Variants in PSD3 observed in about 807,000 individuals in gnomAD.
The protein encoded by PSD3 is pleckstrin and Sec7 domain containing 3, also known as PH and SEC7 domain-containing protein 3.
A neutral mutation model predicts 105.5 loss-of-function variants in PSD3; 49 were observed. That is an observed-to-expected ratio of 0.46 (90% CI 0.37 to 0.59). The LOEUF (loss-of-function observed/expected upper bound fraction) is 0.59. Ranked by LOEUF, PSD3 falls within the 20% of genes least tolerant of loss-of-function variation. The pLI is 0.00. For synonymous variants in PSD3, 557 were observed against 457.8 expected, an observed-to-expected ratio of 1.22 and a Z score of -2.77; for missense variants, 1,561 against 1,263.8, an observed-to-expected ratio of 1.24 and a Z score of -3.57.
At chr8:18,832,791 G>A (rs1373955415) in intron 4 of PSD3, among the ~76,000 whole-genome samples, 1 of 152,186 alleles carries the variant, frequency 6.6e-6, no homozygotes, top group Non-Finnish European at 1.5e-5. Context: ...AAGAGCAGGT[G>A]CAGGGGAACT....
rs540055784 is a variant in PSD3, at chr8:18,595,869, A to G, written c.2481+4495T>C. Among the ~76,000 whole-genome samples the G allele has an allele frequency of 1.4e-3, 215 of 152,158 alleles. 2 individuals carry two copies. Among genetic ancestry groups the G allele is most frequent in the Middle Eastern group, 6.8e-3 (2 of 294 alleles). ...ACTTCTAGACAGAAGACTAATAAAG[A>G]AACAGAGAACTTCAAAAATGCAATA... is the stretch of plus-strand genomic sequence containing the variant. On this transcript the variant is annotated intron_variant, in intron 12 of 15. Transcript: ENST00000327040.
chr8:18,797,660 T>C (rs998860129), intron 8 of PSD3, among the ~76,000 whole-genome samples: 1 of 152,208 alleles, frequency 6.6e-6, no homozygotes, highest in South Asian at 2.1e-4. Context: ...AAAGTATTAT[T>C]AAAGCTATAT....
chr8:18,808,927 C>G, intron 4 of PSD3: 1 of 1,486,576 alleles, frequency 6.7e-7, no homozygotes, highest in Non-Finnish European at 8.9e-7. Flanking sequence ...ACTATGACCT[C>G]ACATTCTCAG....
intron 1 of PSD3, among the ~76,000 whole-genome samples, chr8:18,957,963 T>C (rs548211951): frequency 3.9e-5 from 6 of 152,274 alleles, no homozygotes; most frequent in Middle Eastern, 3.4e-3. Context: ...TTTTCGAAGA[T>C]AATTAAGCTA....
At chr8:18,907,475 T>C (rs955836834) in intron 2 of PSD3, among the ~76,000 whole-genome samples, 1 of 152,148 alleles carries the variant, frequency 6.6e-6, no homozygotes, top group African/African-American at 2.4e-5. Flanking sequence ...GCACCTGGCC[T>C]TTTATCTTTT....
intron 11 of PSD3, among the ~76,000 whole-genome samples, chr8:18,627,400 C>T (rs1032863008): frequency 2.0e-5 from 3 of 151,912 alleles, no homozygotes; most frequent in African/African-American, 4.8e-5. Context: ...GCTGTAGCAT[C>T]GATCTTAGCA....
intron 1 of PSD3, among the ~76,000 whole-genome samples, chr8:19,055,207 G>A (rs1257297584): frequency 1.3e-5 from 2 of 152,178 alleles, no homozygotes; most frequent in South Asian, 2.1e-4. Flanking sequence ...GGTTACCCAA[G>A]AGGCAGTTCA....
chr8:18,910,568 C>T (rs1311341006), intron 2 of PSD3, among the ~76,000 whole-genome samples: 1 of 117,718 alleles, frequency 8.5e-6, no homozygotes, highest in African/African-American at 3.3e-5. Context: ...AGCGCACCAG[C>T]ATGGCACATG....
chr8:19,062,161 A>T (rs1033336612), intron 1 of PSD3, among the ~76,000 whole-genome samples: 1 of 152,208 alleles, frequency 6.6e-6, no homozygotes, highest in South Asian at 2.1e-4. Flanking sequence ...ATGGCTACAC[A>T]ATGTATTCCT....
At chr8:18,943,966 A>G in intron 1 of PSD3, among the ~76,000 whole-genome samples, 1 of 152,062 alleles carries the variant, frequency 6.6e-6, no homozygotes, top group East Asian at 2.0e-4. Flanking sequence ...AAATTAAGTC[A>G]CGACTCTATT....
chr8:18,614,913 G>A (rs1190821809), intron 11 of PSD3, among the ~76,000 whole-genome samples: 1 of 151,914 alleles, frequency 6.6e-6, no homozygotes, highest in African/African-American at 2.4e-5. Context: ...TGAAATTACA[G>A]GTGTGAACCA....
intron 12 of PSD3, among the ~76,000 whole-genome samples, chr8:18,582,116 T>C (rs1802858713): frequency 6.6e-6 from 1 of 152,114 alleles, no homozygotes; most frequent in South Asian, 2.1e-4. Flanking sequence ...GGACTTATTA[T>C]TTTCAAAAGT....
chr8:18,599,367 A>G (rs1026619666), intron 12 of PSD3, among the ~76,000 whole-genome samples: 3 of 152,220 alleles, frequency 2.0e-5, no homozygotes, highest in South Asian at 2.1e-4. Flanking sequence ...AAACAGAACC[A>G]TATGACCCCA....
intron 13 of PSD3, among the ~76,000 whole-genome samples, chr8:18,573,435 A>T (rs1802273264): frequency 1.3e-5 from 2 of 152,170 alleles, no homozygotes; most frequent in African/African-American, 4.8e-5. Flanking sequence ...ACGCCACCGC[A>T]CTCCAGGCTA....
intron 11 of PSD3, among the ~76,000 whole-genome samples, chr8:18,604,352 G>C (rs952304053): frequency 1.3e-5 from 2 of 152,192 alleles, no homozygotes; most frequent in Non-Finnish European, 2.9e-5. Flanking sequence ...CTTTGAACTT[G>C]AGAGTGATGA....
At chr8:18,557,192 T>C (rs193041993) in intron 14 of PSD3, among the ~76,000 whole-genome samples, 1 of 152,342 alleles carries the variant, frequency 6.6e-6, no homozygotes, top group East Asian at 1.9e-4. Flanking sequence ...CTCCTTACTG[T>C]TCTAGTTTCA....
rs369978266 is a variant in PSD3 at position 18,848,846 on chromosome 8, C to G, written c.1634+18828G>C. ...TGTTTATTGTCATACAAAAATGTGG[C>G]AACTGCCATTCTTTGGCTACATTTC... On this transcript the variant is annotated intron_variant, in intron 4 of 15. Coordinates refer to ENST00000327040, the MANE Select transcript of PSD3 (RefSeq NM_015310.4). Among the ~76,000 whole-genome samples, 118 of 152,290 alleles carry G rather than the reference C, an allele frequency of 7.7e-4. 2 individuals carry two copies. In the South Asian group the frequency reaches 0.024, roughly 31 times the overall value.
intron 1 of PSD3, among the ~76,000 whole-genome samples, chr8:18,987,049 T>C (rs1825536974): frequency 6.6e-6 from 1 of 152,168 alleles, no homozygotes; most frequent in Non-Finnish European, 1.5e-5. Context: ...AATGGGTTAA[T>C]GGTGCCGTCA....
At chr8:18,551,271 T>C (rs946251973) in intron 15 of PSD3, among the ~76,000 whole-genome samples, 9 of 152,138 alleles carry the variant, frequency 5.9e-5, no homozygotes, top group African/African-American at 2.2e-4. Context: ...CCAAAGGAAA[T>C]ATATCAAACT....
Sources: allele counts gnomAD v4.1 joint callset (sites outside exome capture counted in the v4.1 genomes callset), GRCh38; gene constraint gnomAD v4.1.1; transcripts MANE v1.5; gene names NCBI Gene and HGNC (gene_info 2026-07-23, HGNC 2026-07-21).